COL24A1: variants seen among roughly 807,000 people sequenced by gnomAD.
COL24A1 encodes collagen type XXIV alpha 1 chain.
A neutral mutation model predicts 253.9 loss-of-function variants in COL24A1; 224 were observed. That is an observed-to-expected ratio of 0.88 (90% CI 0.79 to 0.99). The LOEUF is 0.99. Ranked by LOEUF, COL24A1 falls within the 50% of genes least tolerant of loss-of-function variation. The pLI, the probability that COL24A1 is intolerant of heterozygous loss-of-function variation, is 0.00. For missense variants in COL24A1, 2,131 were observed against 2,068.5 expected (o/e 1.03, Z -0.59); for synonymous variants, 685 against 673.7 (o/e 1.02, Z -0.26).
Position 86,125,335 on chromosome 1 carries a change from G to A in COL24A1, c.1001C>T (p.Ala334Val). ...AVDLTNHGIQ[A>V]KEMITEEDTQ... is the part of the protein sequence containing the mutation. ...ATCTTCCTCAGTGATCATTTCTTTG[G>A]CCTGAATCCCATGGTTTGTGAGATC... Residue 334 changes from alanine (A) to valine (V), a missense_variant, in exon 3 of 60, where the codon GCC becomes GTC. Physicochemically the swap from Ala to Val is moderately conservative, Grantham distance 64. Coordinates refer to ENST00000370571, the MANE Select transcript of COL24A1 (RefSeq NM_152890.7). 6.2e-7 allele frequency: 1 copy of A among 1,613,556 alleles called. No homozygotes were observed. The highest frequency in any genetic ancestry group is 1.3e-5 in the African/African-American group (1 of 74,964).
chr1:85,822,657 G>A (rs1673771541), intron 45 of COL24A1, among the ~76,000 whole-genome samples: 2 of 152,112 alleles, frequency 1.3e-5, no homozygotes, highest in African/African-American at 4.8e-5. Flanking sequence ...CTTATCCTAT[G>A]ACAATGATTC....
intron 45 of COL24A1, among the ~76,000 whole-genome samples, chr1:85,820,780 G>A (rs1322157031): frequency 6.6e-6 from 1 of 152,172 alleles, no homozygotes; most frequent in Non-Finnish European, 1.5e-5. Flanking sequence ...AAAATAGGTA[G>A]AGTGGCCCAT....
At chr1:85,741,023 G>A (rs966928920) in intron 57 of COL24A1, among the ~76,000 whole-genome samples, 1 of 149,404 alleles carries the variant, frequency 6.7e-6, no homozygotes, top group Non-Finnish European at 1.5e-5. Context: ...GGAGGCTGAG[G>A]CTGGAGAATC....
At chr1:86,133,047 T>C (rs1053368929) in intron 2 of COL24A1, among the ~76,000 whole-genome samples, 15 of 152,006 alleles carry the variant, frequency 9.9e-5, no homozygotes, top group Non-Finnish European at 2.2e-4. Flanking sequence ...CAGTTTGTAG[T>C]TCTCCTTGAA....
chr1:86,117,920 A>G (rs1706307295), intron 3 of COL24A1, among the ~76,000 whole-genome samples: 2 of 152,156 alleles, frequency 1.3e-5, no homozygotes, highest in South Asian at 4.1e-4. Context: ...TACTCTTTCT[A>G]AGCCTTAGTT....
chr1:86,023,127 C>G lies in COL24A1; in HGVS notation c.2050-120G>C, dbSNP rs555426634. The G allele has an allele frequency of 3.9e-6, 3 of 768,460 alleles. No individual in the cohort carries two copies. The African/African-American group carries it at 5.3e-5, about 14-fold the overall frequency. 47.6% of individuals were successfully genotyped at this position (768,460 alleles called of 1,614,324 possible). On this transcript the variant is annotated intron_variant, in intron 14 of 59. Transcript: ENST00000370571. ...CCAACTCACTAAGCTCCTACACGTG[C>G]CTTGTTCTTCAACAACTTATTTTTC...
chr1:85,770,827 C>T (rs1315260752), intron 53 of COL24A1, among the ~76,000 whole-genome samples: 1 of 152,156 alleles, frequency 6.6e-6, no homozygotes, highest in Non-Finnish European at 1.5e-5. Flanking sequence ...TTTGCCCATC[C>T]TCTCATCATT....
At chr1:85,775,618 T>C (rs1302234210) in intron 53 of COL24A1, 56 bp downstream of exon 53, 1 of 1,405,238 alleles carries the variant, frequency 7.1e-7, no homozygotes, top group Non-Finnish European at 9.9e-7. Context: ...CTTGCTTTCA[T>C]GGAGCTTATA....
At chr1:86,004,338 T>C (rs2101080907) in intron 19 of COL24A1, among the ~76,000 whole-genome samples, 1 of 152,164 alleles carries the variant, frequency 6.6e-6, no homozygotes, top group South Asian at 2.1e-4. Context: ...TCCACAGACA[T>C]GAAACCTCAC....
intron 20 of COL24A1, 42 bp downstream of exon 20, chr1:85,987,559 A>G (rs1189958990): frequency 6.5e-7 from 1 of 1,536,814 alleles, no homozygotes; most frequent in Non-Finnish European, 8.9e-7. Flanking sequence ...GGAGCTCTAG[A>G]TAACCATAAT....
At chr1:85,871,837 G>A (rs1680536332) in intron 35 of COL24A1, among the ~76,000 whole-genome samples, 1 of 152,180 alleles carries the variant, frequency 6.6e-6, no homozygotes, top group African/African-American at 2.4e-5. Context: ...GGTGTTGGAA[G>A]TTCTGGCCAG....
chr1:86,135,625 T>C (rs1432415854), intron 2 of COL24A1, among the ~76,000 whole-genome samples: 1 of 152,032 alleles, frequency 6.6e-6, no homozygotes, highest in Non-Finnish European at 1.5e-5. Flanking sequence ...CATCTTGATT[T>C]ATGAGATAAT....
intron 47 of COL24A1, among the ~76,000 whole-genome samples, chr1:85,808,476 T>C (rs1032025186): frequency 2.6e-4 from 40 of 152,318 alleles, no homozygotes; most frequent in Middle Eastern, 3.4e-3. Context: ...GTAAAGATAA[T>C]TGGAAGCAGT....
intron 14 of COL24A1, 35 bp downstream of exon 14, chr1:86,031,843 T>C (rs375286171): frequency 1.5e-5 from 23 of 1,556,360 alleles, no homozygotes; most frequent in Non-Finnish European, 2.0e-5. Context: ...CAATAAAATA[T>C]TTTCTTAAGA....
intron 20 of COL24A1, among the ~76,000 whole-genome samples, chr1:85,971,651 T>G (rs1692181042): frequency 6.6e-6 from 1 of 152,190 alleles, no homozygotes; most frequent in Admixed American, 6.5e-5. Context: ...AGACACCTTT[T>G]CAGAAAAAGT....
At chr1:85,730,824 G>C (rs974830666) in intron 59 of COL24A1, 132 bp from the exon 60 acceptor site, 2 of 855,358 alleles carry the variant, frequency 2.3e-6, no homozygotes, top group African/African-American at 3.4e-5. Flanking sequence ...CTAGAACAAT[G>C]CTCAATAAAT....
In COL24A1 at chr1:86,125,885, G is replaced by T; in HGVS notation, c.451C>A (p.Pro151Thr). Residue 151 changes from proline (P) to threonine (T), a missense_variant, in exon 3 of 60, where the codon CCT (proline) becomes ACT (threonine). Physicochemically the swap from Pro to Thr is conservative, Grantham distance 38. Coordinates refer to ENST00000370571, the MANE Select transcript of COL24A1 (RefSeq NM_152890.7). Reference protein sequence around the residue: ...KLVVHIRGKQPAVFNYSVHDE... With the variant: ...KLVVHIRGKQTAVFNYSVHDE... ...TGAACACTGTAGTTGAAAACTGCAG[G>T]CTGCTTTCCTCTAATGTGTACTACT... 6.2e-7 allele frequency: 1 copy of T among 1,613,108 alleles called. No homozygotes were observed. Among genetic ancestry groups the T allele is most frequent in the Non-Finnish European group, 8.5e-7 (1 of 1,179,648 alleles).
intron 24 of COL24A1, among the ~76,000 whole-genome samples, chr1:85,949,913 T>G (rs1460213295): frequency 6.6e-6 from 1 of 152,190 alleles, no homozygotes; most frequent in African/African-American, 2.4e-5. Context: ...TCCCTTTTAC[T>G]GTATGATCCA....
chr1:86,064,316 GT>G (rs1370877341), intron 7 of COL24A1, among the ~76,000 whole-genome samples: 3 of 152,112 alleles, frequency 2.0e-5, no homozygotes, highest in Non-Finnish European at 4.4e-5. Context: ...TAGGGAATTA[GT>G]AACAAAGAAT....
Sources: gnomAD v4.1 joint callset for allele counts (sites outside exome capture counted in the v4.1 genomes callset) on GRCh38, gnomAD v4.1.1 for gene constraint, MANE v1.5 for transcripts, NCBI Gene and HGNC (gene_info 2026-07-23, HGNC 2026-07-21) for gene names.